The following GMDS variants were observed in gnomAD, a reference collection of about 807,000 sequenced individuals.
GMDS encodes GDP-mannose 4,6 dehydratase.
GMDS carries 20 observed loss-of-function variants against 49.9 expected under a neutral mutation model. The ratio of observed to expected loss-of-function variants is 0.40; its 90% CI spans 0.28 to 0.58. GMDS has a LOEUF of 0.58. Ranked by LOEUF, GMDS falls within the 20% of genes least tolerant of loss-of-function variation. GMDS has a pLI of 0.42. For synonymous variants in GMDS, 177 were observed against 178.6 expected, an observed-to-expected ratio of 0.99 and a Z score of 0.07; for missense variants, 362 against 481.4, an observed-to-expected ratio of 0.75 and a Z score of 2.32.
At chr6:1,849,587 A>G (rs1299096671) in intron 7 of GMDS, among the ~76,000 whole-genome samples, 1 of 152,258 alleles carries the variant, frequency 6.6e-6, no homozygotes, top group Non-Finnish European at 1.5e-5. Flanking sequence ...TAACCTGTGA[A>G]TACCCAGTAA....
At chr6:1,663,080 T>G (rs757106687) in intron 9 of GMDS, among the ~76,000 whole-genome samples, 37 of 152,234 alleles carry the variant, frequency 2.4e-4, no homozygotes, top group Non-Finnish European at 4.7e-4. Flanking sequence ...TTTAGCCAGA[T>G]GTCAAACCTA....
At chr6:1,948,070 C>T (rs1371716898) in intron 6 of GMDS, among the ~76,000 whole-genome samples, 2 of 152,110 alleles carry the variant, frequency 1.3e-5, no homozygotes, top group Admixed American at 6.5e-5. Context: ...TCCTTTAATG[C>T]TTATAACAAC....
intron 1 of GMDS, among the ~76,000 whole-genome samples, chr6:2,201,901 G>C (rs891985541): frequency 1.5e-5 from 2 of 135,892 alleles, no homozygotes; most frequent in Admixed American, 7.4e-5. Flanking sequence ...CAGCATGTTA[G>C]CAGGGAGGTG....
At chr6:1,954,257 CT>C (rs1763512852) in intron 6 of GMDS, among the ~76,000 whole-genome samples, 1 of 152,224 alleles carries the variant, frequency 6.6e-6, no homozygotes, top group Non-Finnish European at 1.5e-5. Context: ...CTAAAAATTA[CT>C]TTATCACTGA....
At chr6:1,906,509 C>T (rs1247586885) in intron 7 of GMDS, among the ~76,000 whole-genome samples, 3 of 152,170 alleles carry the variant, frequency 2.0e-5, no homozygotes, top group Non-Finnish European at 4.4e-5. Context: ...ATTTTTATTG[C>T]CTTTTTTAAA....
chr6:1,772,957 T>C (rs570550191), intron 7 of GMDS, among the ~76,000 whole-genome samples: 1 of 152,216 alleles, frequency 6.6e-6, no homozygotes, highest in Non-Finnish European at 1.5e-5. Context: ...ACCAATATTG[T>C]AAAATCATAT....
At chr6:1,914,439 C>A (rs1325506956) in intron 7 of GMDS, among the ~76,000 whole-genome samples, 1 of 149,484 alleles carries the variant, frequency 6.7e-6, no homozygotes, top group African/African-American at 2.5e-5. Flanking sequence ...TGCACTCCAG[C>A]CTGGGCAACA....
At chr6:2,090,845 AC>A (rs1398857490) in intron 4 of GMDS, among the ~76,000 whole-genome samples, 1 of 152,226 alleles carries the variant, frequency 6.6e-6, no homozygotes, top group African/African-American at 2.4e-5. Context: ...TATCAGCATA[AC>A]AGAACTAAAA....
intron 7 of GMDS, among the ~76,000 whole-genome samples, chr6:1,894,857 G>C (rs556977025): frequency 6.6e-6 from 1 of 152,142 alleles, no homozygotes; most frequent in Non-Finnish European, 1.5e-5. Flanking sequence ...AGACATTTAG[G>C]AAATAGTTAT....
chr6:2,160,751 C>T (rs1165902362), intron 1 of GMDS, among the ~76,000 whole-genome samples: 1 of 152,110 alleles, frequency 6.6e-6, no homozygotes, highest in Admixed American at 6.5e-5. Flanking sequence ...TGGTCTCCAA[C>T]TCCTGAGCCT....
At chr6:1,892,987 C>T (rs960947477) in intron 7 of GMDS, among the ~76,000 whole-genome samples, 2 of 152,074 alleles carry the variant, frequency 1.3e-5, no homozygotes, top group Non-Finnish European at 2.9e-5. Flanking sequence ...TTATATCAGT[C>T]CCGTAATTAA....
intron 9 of GMDS, among the ~76,000 whole-genome samples, chr6:1,724,361 A>C (rs1766497095): frequency 6.6e-6 from 1 of 152,212 alleles, no homozygotes; most frequent in Non-Finnish European, 1.5e-5. Flanking sequence ...CGGTCACGGC[A>C]GGAAAGGGGG....
At chr6:2,130,854 A>C (rs1416047361) in intron 1 of GMDS, among the ~76,000 whole-genome samples, 1 of 152,198 alleles carries the variant, frequency 6.6e-6, no homozygotes, top group East Asian at 1.9e-4. Context: ...ATAGGTTTTT[A>C]AAAAATGGTA....
chr6:2,184,838 T>C (rs901446712), intron 1 of GMDS, among the ~76,000 whole-genome samples: 3 of 152,222 alleles, frequency 2.0e-5, no homozygotes, highest in African/African-American at 7.2e-5. Flanking sequence ...TTGGGAACCA[T>C]TGTAATCAGC....
chr6:1,782,865 T>C (rs1769162331), intron 7 of GMDS, among the ~76,000 whole-genome samples: 1 of 152,200 alleles, frequency 6.6e-6, no homozygotes, highest in Non-Finnish European at 1.5e-5. Context: ...CAAGAAAGGA[T>C]CACAGAGGCT....
At chr6:2,208,358 T>C (rs1405217741) in intron 1 of GMDS, among the ~76,000 whole-genome samples, 4 of 152,220 alleles carry the variant, frequency 2.6e-5, no homozygotes, top group Non-Finnish European at 2.9e-5. Flanking sequence ...CTACATTCAA[T>C]ATTCCGTTTT....
At chr6:2,033,378 T>C (rs1467393533) in intron 4 of GMDS, among the ~76,000 whole-genome samples, 3 of 152,150 alleles carry the variant, frequency 2.0e-5, no homozygotes, top group Non-Finnish European at 4.4e-5. Context: ...TATTAATTGA[T>C]TGGGAGGGTT....
At chr6:2,228,747 AG>A (rs1780935742) in intron 1 of GMDS, among the ~76,000 whole-genome samples, 1 of 152,254 alleles carries the variant, frequency 6.6e-6, no homozygotes, top group African/African-American at 2.4e-5. Flanking sequence ...TGCATGGAAT[AG>A]CTTTCTCAGT....
chr6:1,687,561 CTCCTGTGTTCCAGGCACCGTCCT>C (rs1346590496), intron 9 of GMDS, among the ~76,000 whole-genome samples: 1 of 3,904 alleles, frequency 2.6e-4, no homozygotes, highest in Non-Finnish European at 7.9e-4. Flanking sequence ...CACCGTCCTT[CTCCTGTGTTCCAGGCACCGTCCT>C]TGACACTAGG....
Sources: allele counts gnomAD v4.1 joint callset (sites outside exome capture counted in the v4.1 genomes callset), GRCh38; gene constraint gnomAD v4.1.1; transcripts MANE v1.5; gene names NCBI Gene and HGNC (gene_info 2026-07-23, HGNC 2026-07-21).